PAN3: variants seen among roughly 807,000 people sequenced by gnomAD.
The protein encoded by PAN3 is PAN2-PAN3 deadenylation complex subunit PAN3.
In PAN3, 19 loss-of-function variants were observed where a neutral mutation model predicts 96.2. The observed-to-expected ratio is 0.20, with a 90% CI of 0.14 to 0.29. The LOEUF is 0.29. Ranked by LOEUF, PAN3 falls within the 10% of genes least tolerant of loss-of-function variation. The pLI, the probability that PAN3 is intolerant of heterozygous loss-of-function variation, is 1.00. For missense variants in PAN3, 882 were observed against 1,108.1 expected, an observed-to-expected ratio of 0.80 and a Z score of 2.90; for synonymous variants, 433 against 406.6, an observed-to-expected ratio of 1.06 and a Z score of -0.78.
chr13:28,289,781 C>T (rs1392100420), intron 18 of PAN3, among the ~76,000 whole-genome samples: 1 of 152,230 alleles, frequency 6.6e-6, no homozygotes, highest in African/African-American at 2.4e-5. Context: ...ACTCGGGAGG[C>T]TGAGACAGGA....
In PAN3 at chr13:28,293,405, T is replaced by G. The variant is rs1403859074; in HGVS notation, c.*883T>G. On this transcript the variant is annotated 3_prime_UTR_variant, in exon 19 of 19. Coordinates refer to ENST00000380958, the MANE Select transcript of PAN3 (RefSeq NM_175854.8). ...TTTGCTGGTTTTTTTTTTTTTTTTT[T>G]TTTTTTTTTTTGGGCGGGGGGGAGG... 42 of 143,022 alleles carry G rather than the reference T, an allele frequency of 2.9e-4. No homozygotes were observed. Among genetic ancestry groups the G allele is most frequent in the Non-Finnish European group, 5.5e-4 (36 of 65,678 alleles). 8.9% of individuals were successfully genotyped at this position (143,022 alleles called of 1,614,324 possible).
At chr13:28,167,512 T>G (rs566217364) in intron 1 of PAN3, among the ~76,000 whole-genome samples, 5 of 152,114 alleles carry the variant, frequency 3.3e-5, no homozygotes, top group African/African-American at 9.6e-5. Flanking sequence ...ATTTCCCAAA[T>G]TTTTAAGTCC....
Position 28,293,281 on chromosome 13 carries a change from ATACATT to A in PAN3, c.*768_*773del. 6.6e-6 allele frequency: 1 copy of A among 152,000 alleles called. No homozygotes were observed. The highest frequency in any genetic ancestry group is 3.4e-3 in the Middle Eastern group (1 of 292). 9.4% of individuals were successfully genotyped at this position (152,000 alleles called of 1,614,324 possible). On this transcript the variant is annotated 3_prime_UTR_variant, in exon 19 of 19. Coordinates refer to ENST00000380958, the MANE Select transcript of PAN3 (RefSeq NM_175854.8). ...AAAAAGACATTTGCCTGCTAGTCAG[ATACATT>A]TACATTTATGCAAATTTTTTAAATA... is the stretch of plus-strand genomic sequence containing the variant.
At chr13:28,233,519 G>T (rs1036699397) in intron 6 of PAN3, among the ~76,000 whole-genome samples, 1 of 151,972 alleles carries the variant, frequency 6.6e-6, no homozygotes, top group Non-Finnish European at 1.5e-5. Flanking sequence ...TGCCCACCTC[G>T]GCCTCCCAAA....
At chr13:28,272,868 C>T (rs1886747302) in intron 14 of PAN3, among the ~76,000 whole-genome samples, 1 of 152,116 alleles carries the variant, frequency 6.6e-6, no homozygotes, top group African/African-American at 2.4e-5. Flanking sequence ...TGTGCCCGGC[C>T]TCCTGATAAC....
chr13:28,271,461 A>G (rs45441303), intron 13 of PAN3, among the ~76,000 whole-genome samples: 2 of 152,190 alleles, frequency 1.3e-5, no homozygotes, highest in South Asian at 4.1e-4. Context: ...CCTGGCTTTG[A>G]TAGTTTACTG....
intron 18 of PAN3, among the ~76,000 whole-genome samples, chr13:28,289,725 T>TGC (rs1354136754): frequency 6.6e-6 from 1 of 151,784 alleles, no homozygotes; most frequent in Non-Finnish European, 1.5e-5. Flanking sequence ...ACTAAAAAAT[T>TGC]AAAAAAGTTA....
rs113588516 is a variant in PAN3 at position 28,251,394 on chromosome 13, T to G, written c.1001-4898T>G. On this transcript the variant is annotated intron_variant, in intron 6 of 18. Coordinates refer to ENST00000380958, the MANE Select transcript of PAN3 (RefSeq NM_175854.8). ...TTGTATGTTGTCATTTTTGTGGAAGTGTTCATCAAAATAGTTTGGTGTTTG... is the reference window on the plus strand; with the variant it reads ...TTGTATGTTGTCATTTTTGTGGAAGGGTTCATCAAAATAGTTTGGTGTTTG... 3.5e-3 allele frequency among the ~76,000 whole-genome samples: 535 copies of G among 152,356 alleles called. 1 individual carries two copies. The highest frequency in any genetic ancestry group is 4.8e-3 in the Non-Finnish European group (326 of 68,032).
chr13:28,208,186 C>G (rs1042961375), intron 5 of PAN3, among the ~76,000 whole-genome samples: 5 of 152,036 alleles, frequency 3.3e-5, no homozygotes, highest in Admixed American at 3.3e-4. Flanking sequence ...AAGAATACAT[C>G]TAAGTATTAT....
Position 28,225,238 on chromosome 13 carries a change from G to A in PAN3, c.1000+4860G>A, listed in dbSNP as rs143029616. Among the ~76,000 whole-genome samples, 1,043 of 152,028 alleles carry A rather than the reference G, an allele frequency of 6.9e-3. 11 individuals carry two copies. The highest frequency in any genetic ancestry group is 0.024 in the African/African-American group (1,007 of 41,468). ...GAAAAAGGGAAGGGAAAGAAAAAGG[G>A]GAAATTAATATTTGTCGTTCTTGTT... is the stretch of plus-strand genomic sequence containing the variant. On this transcript the variant is annotated intron_variant, in intron 6 of 18. Transcript: ENST00000380958.
At chr13:28,199,139 A>G (rs947889102) in intron 5 of PAN3, among the ~76,000 whole-genome samples, 1 of 152,134 alleles carries the variant, frequency 6.6e-6, no homozygotes, top group South Asian at 2.1e-4. Flanking sequence ...GGTTGTTACA[A>G]TTAGTTTTTA....
intron 4 of PAN3, among the ~76,000 whole-genome samples, chr13:28,178,859 C>A (rs565053299): frequency 6.6e-6 from 1 of 152,084 alleles, no homozygotes; most frequent in Non-Finnish European, 1.5e-5. Context: ...GTTGGCTTCA[C>A]GGTGTATAGT....
chr13:28,238,109 A>G (rs1445922316), intron 6 of PAN3, among the ~76,000 whole-genome samples: 1 of 152,218 alleles, frequency 6.6e-6, no homozygotes, highest in African/African-American at 2.4e-5. Context: ...GTGTAGTTAA[A>G]ACTGTTTTAA....
At chr13:28,280,670 T>G in intron 16 of PAN3, 129 bp downstream of exon 16, 1 of 809,050 alleles carries the variant, frequency 1.2e-6, no homozygotes, top group East Asian at 3.0e-5. Context: ...CAAGCGAGTC[T>G]CCTGCCTCAG....
Position 28,243,551 on chromosome 13 carries a change from A to G in PAN3, c.1001-12741A>G, listed in dbSNP as rs1427772016. On this transcript the variant is annotated intron_variant, in intron 6 of 18. Coordinates refer to ENST00000380958, the MANE Select transcript of PAN3 (RefSeq NM_175854.8). ...TGCTACATTGACTTAAAAAGATACC[A>G]GAAGTCTACGGCAGTGTTTATATTC... Among the ~76,000 whole-genome samples, 7 of 152,244 alleles carry G rather than the reference A, an allele frequency of 4.6e-5. No homozygotes were observed. In the East Asian group the frequency reaches 1.3e-3, roughly 29 times the overall value.
intron 2 of PAN3, among the ~76,000 whole-genome samples, chr13:28,175,532 C>T (rs1350888325): frequency 2.0e-5 from 3 of 152,220 alleles, no homozygotes; most frequent in South Asian, 2.1e-4. Context: ...GTTGGGATTA[C>T]AGGCATGAGC....
At chr13:28,203,485 T>A (rs911608186) in intron 5 of PAN3, among the ~76,000 whole-genome samples, 13 of 151,820 alleles carry the variant, frequency 8.6e-5, no homozygotes, top group Non-Finnish European at 1.8e-4. Flanking sequence ...TCTTTGTATT[T>A]TTTTGTAGAG....
chr13:28,176,409 G>C, intron 2 of PAN3, 84 bp from the exon 3 acceptor site: 3 of 1,226,764 alleles, frequency 2.4e-6, no homozygotes, highest in Non-Finnish European at 3.6e-6. Flanking sequence ...AGGGGAAGAA[G>C]CAAAGAGAGC....
At chr13:28,276,816 T>C (rs1246370282) in intron 14 of PAN3, among the ~76,000 whole-genome samples, 2 of 152,232 alleles carry the variant, frequency 1.3e-5, no homozygotes, top group Non-Finnish European at 2.9e-5. Context: ...TGTTAAGTTA[T>C]AGTGGTCATA....
Sources: allele counts gnomAD v4.1 joint callset (sites outside exome capture counted in the v4.1 genomes callset), GRCh38; gene constraint gnomAD v4.1.1; transcripts MANE v1.5; gene names NCBI Gene and HGNC (gene_info 2026-07-23, HGNC 2026-07-21).